Variants in PPM1H observed in about 807,000 individuals in gnomAD.
The protein encoded by PPM1H is protein phosphatase 1H.
A neutral mutation model predicts 54.9 loss-of-function variants in PPM1H; 27 were observed. That is an observed-to-expected ratio of 0.49 (90% CI 0.36 to 0.68). The LOEUF (loss-of-function observed/expected upper bound fraction) is 0.68, where lower values mean the gene tolerates loss of function less well. PPM1H is among the 30% of genes least tolerant of loss of function. PPM1H has a pLI of 0.00. For missense variants in PPM1H, 596 were observed against 667.8 expected (o/e 0.89, Z 1.19); for synonymous variants, 305 against 270.8 (o/e 1.13, Z -1.24).
At chr12:62,912,429 A>G (rs1871489842) in intron 1 of PPM1H, among the ~76,000 whole-genome samples, 1 of 152,162 alleles carries the variant, frequency 6.6e-6, no homozygotes, top group Non-Finnish European at 1.5e-5. Flanking sequence ...CAGGGCTTCC[A>G]CAATCTGGAG....
At chr12:62,786,848 C>T (rs545142421) in intron 4 of PPM1H, among the ~76,000 whole-genome samples, 5 of 152,200 alleles carry the variant, frequency 3.3e-5, no homozygotes, top group Non-Finnish European at 7.3e-5. Flanking sequence ...ATTTTTACAA[C>T]ATGTATTACA....
chr12:62,735,352 C>T (rs1384107166), intron 5 of PPM1H, among the ~76,000 whole-genome samples: 3 of 152,032 alleles, frequency 2.0e-5, no homozygotes, highest in Non-Finnish European at 4.4e-5. Flanking sequence ...GCTGGGACTA[C>T]AGGCACACAT....
chr12:62,831,916 C>T (rs1282654235), intron 2 of PPM1H, among the ~76,000 whole-genome samples, 198 bp downstream of exon 2: 1 of 151,634 alleles, frequency 6.6e-6, no homozygotes, highest in Non-Finnish European at 1.5e-5. Context: ...AAAACCTAAC[C>T]ACAAGCTGGT....
At chr12:62,920,485 G>GTTTTT (rs35100515) in intron 1 of PPM1H, among the ~76,000 whole-genome samples, 1 of 136,678 alleles carries the variant, frequency 7.3e-6, no homozygotes, top group Non-Finnish European at 1.6e-5. Flanking sequence ...CCTGAATGAG[G>GTTTTT]TTTTTTTTTT....
In PPM1H at chr12:62,863,689, G is replaced by A. The variant is rs182174654; in HGVS notation, c.246-31410C>T. On this transcript the variant is annotated intron_variant, in intron 1 of 9. Transcript: ENST00000228705. ...TATAGGGTTGCTATTGTCTTACACC[G>A]TACCATCAAGGTGAATGAAAAGGGA... is the stretch of plus-strand genomic sequence containing the variant. 2.8e-3 allele frequency among the ~76,000 whole-genome samples: 425 copies of A among 152,248 alleles called. 3 individuals carry two copies. Among genetic ancestry groups the A allele is most frequent in the South Asian group, 2.9e-3 (14 of 4,828 alleles).
At chr12:62,865,975 T>G (rs1869760199) in intron 1 of PPM1H, among the ~76,000 whole-genome samples, 1 of 152,336 alleles carries the variant, frequency 6.6e-6, no homozygotes, top group East Asian at 1.9e-4. Flanking sequence ...ATAAATTCCC[T>G]AAACTTCCAG....
chr12:62,780,780 T>C (rs1331009469), intron 4 of PPM1H, among the ~76,000 whole-genome samples: 3 of 152,224 alleles, frequency 2.0e-5, no homozygotes, highest in African/African-American at 7.2e-5. Flanking sequence ...TGGAAATCTA[T>C]CCTGGTGTGG....
chr12:62,796,432 C>A (rs537470583), intron 3 of PPM1H, among the ~76,000 whole-genome samples: 113 of 132,270 alleles, frequency 8.5e-4, no homozygotes, highest in Middle Eastern at 4.2e-3. Flanking sequence ...GTTCCCAAGA[C>A]CCCCCTCTCC....
intron 6 of PPM1H, among the ~76,000 whole-genome samples, chr12:62,708,660 A>T (rs2076189220): frequency 6.6e-6 from 1 of 152,250 alleles, no homozygotes. Flanking sequence ...GAATTAGCCC[A>T]TAGGTCCTTT....
At chr12:62,769,910 G>T (rs1243921056) in intron 4 of PPM1H, among the ~76,000 whole-genome samples, 1 of 152,156 alleles carries the variant, frequency 6.6e-6, no homozygotes, top group African/African-American at 2.4e-5. Flanking sequence ...AAAGCAACAG[G>T]TTGGGGAATA....
At chr12:62,852,174 A>G (rs1282537440) in intron 1 of PPM1H, among the ~76,000 whole-genome samples, 1 of 141,718 alleles carries the variant, frequency 7.1e-6, no homozygotes, top group Non-Finnish European at 1.5e-5. Context: ...GGTTGCAGTG[A>G]GGCGAGATTG....
Position 62,737,597 on chromosome 12 carries a change from GA to G in PPM1H, c.870-12del. 6.6e-7 allele frequency: 1 copy of G among 1,524,784 alleles called. No individual in the cohort carries two copies. The highest frequency in any genetic ancestry group is 8.9e-7 in the Non-Finnish European group (1 of 1,119,580). The allele number at this position is 1,524,784 out of a possible 1,614,324, so 94.5% of individuals were successfully genotyped here. A position where few individuals can be genotyped will look rare whatever the true frequency, so the allele number is the denominator to read the frequency against. On this transcript the variant is annotated splice_polypyrimidine_tract_variant and intron_variant, in intron 4 of 9. Transcript: ENST00000228705. ...CTGATGATTATGGCCCTGAAATGGT[GA>G]AAATGCATTGTCAGTAGCCAATCTC...
At chr12:62,889,612 A>C (rs1265426037) in intron 1 of PPM1H, among the ~76,000 whole-genome samples, 1 of 152,212 alleles carries the variant, frequency 6.6e-6, no homozygotes, top group Non-Finnish European at 1.5e-5. Flanking sequence ...AGAGCCCAGA[A>C]ATAGACCCAC....
chr12:62,690,196 C>T (rs2076075555), intron 7 of PPM1H, among the ~76,000 whole-genome samples: 1 of 152,148 alleles, frequency 6.6e-6, no homozygotes, highest in African/African-American at 2.4e-5. Flanking sequence ...ATCCATCCAT[C>T]CATCCACCCA....
intron 5 of PPM1H, among the ~76,000 whole-genome samples, chr12:62,721,401 C>T (rs1201326150): frequency 6.6e-6 from 1 of 152,118 alleles, no homozygotes; most frequent in Non-Finnish European, 1.5e-5. Context: ...TCTGGGCAGG[C>T]TTGGGGACAG....
At chr12:62,861,334 A>C (rs893293888) in intron 1 of PPM1H, among the ~76,000 whole-genome samples, 1 of 152,182 alleles carries the variant, frequency 6.6e-6, no homozygotes, top group African/African-American at 2.4e-5. Context: ...CTAAAATTAA[A>C]CATTCCAACA....
At chr12:62,674,989 A>T (rs2075977780) in intron 8 of PPM1H, among the ~76,000 whole-genome samples, 1 of 152,228 alleles carries the variant, frequency 6.6e-6, no homozygotes, top group Non-Finnish European at 1.5e-5. Flanking sequence ...CTCTCCTCAC[A>T]GCATCAGGCC....
chr12:62,657,813 G>A (rs558791674), intron 9 of PPM1H, among the ~76,000 whole-genome samples: 6 of 152,154 alleles, frequency 3.9e-5, no homozygotes, highest in East Asian at 3.8e-4. Flanking sequence ...CAGTGTTGGT[G>A]TTTTACTATT....
intron 4 of PPM1H, among the ~76,000 whole-genome samples, chr12:62,785,206 T>C (rs1019220482): frequency 1.3e-5 from 2 of 152,174 alleles, no homozygotes; most frequent in Non-Finnish European, 2.9e-5. Flanking sequence ...AGACGGAGCC[T>C]TGCTGTGTTG....
Sources: gnomAD v4.1 joint callset for allele counts (sites outside exome capture counted in the v4.1 genomes callset) on GRCh38, gnomAD v4.1.1 for gene constraint, MANE v1.5 for transcripts, NCBI Gene and HGNC (gene_info 2026-07-23, HGNC 2026-07-21) for gene names.